Variants in FBXO21 observed in about 807,000 individuals in gnomAD.
FBXO21 encodes the protein F-box only protein 21.
Under a neutral mutation model 76.6 loss-of-function variants are expected in FBXO21, and 32 were observed. The ratio of observed to expected loss-of-function variants is 0.42; its 90% confidence interval spans 0.32 to 0.56. The LOEUF (loss-of-function observed/expected upper bound fraction) is 0.56. FBXO21 is among the 20% of genes least tolerant of loss of function. FBXO21 has a pLI of 0.16. For missense variants in FBXO21, 586 were observed against 797.3 expected (o/e 0.73, Z 3.19); for synonymous variants, 328 against 311.5 (o/e 1.05, Z -0.56).
At position 117,150,871 on chromosome 12, in the gene FBXO21, CTGTGTGTGTGTG is replaced by C. The variant is rs372253197; in HGVS notation, c.1676-4606_1676-4595del. Among the ~76,000 whole-genome samples the C allele has an allele frequency of 3.4e-4, 43 of 127,714 alleles. No homozygotes were observed. In the Middle Eastern group the frequency reaches 0.011, roughly 34 times the overall value. The allele number at this position is 127,714 out of a possible 152,430, so 83.8% of individuals were successfully genotyped here. On this transcript the variant is annotated intron_variant, in intron 11 of 11. Transcript: ENST00000622495. Reference sequence around the variant, plus strand: ...GCCAGCAGGTACAGCTGGCCATGGACTGTGTGTGTGTGTGTGTGTGTGTGTGTGTGTCAGGCG... The same window carrying C: ...GCCAGCAGGTACAGCTGGCCATGGACTGTGTGTGTGTGTGTGTGTCAGGCG...
intron 3 of FBXO21, among the ~76,000 whole-genome samples, chr12:117,181,209 A>T (rs2135882327): frequency 6.6e-6 from 1 of 152,294 alleles, no homozygotes; most frequent in East Asian, 1.9e-4. Context: ...AGGACTGAAA[A>T]GTCACTGAAT....
At chr12:117,152,752 G>C (rs183459192) in intron 11 of FBXO21, among the ~76,000 whole-genome samples, 1 of 152,218 alleles carries the variant, frequency 6.6e-6, no homozygotes, top group Non-Finnish European at 1.5e-5. Context: ...GTTATGCAGA[G>C]GAATCTCCTT....
At chr12:117,164,475 T>A (rs1221586911) in intron 9 of FBXO21, among the ~76,000 whole-genome samples, 1 of 151,984 alleles carries the variant, frequency 6.6e-6, no homozygotes, top group African/African-American at 2.4e-5. Context: ...GGGATTTCAC[T>A]ATGTTGGCCA....
At chr12:117,170,917 T>C (rs923284676) in intron 7 of FBXO21, among the ~76,000 whole-genome samples, 13 of 152,182 alleles carry the variant, frequency 8.5e-5, no homozygotes, top group Middle Eastern at 3.4e-3. Flanking sequence ...TGAAAAATCA[T>C]TTTTCCCACT....
intron 7 of FBXO21, among the ~76,000 whole-genome samples, chr12:117,170,230 A>AGGC (rs1331705591): frequency 1.3e-5 from 2 of 152,116 alleles, no homozygotes; most frequent in Non-Finnish European, 2.9e-5. Context: ...CATCTTTTTA[A>AGGC]GGCCAGTAAT....
intron 11 of FBXO21, among the ~76,000 whole-genome samples, chr12:117,150,312 G>C (rs993450318): frequency 6.6e-6 from 1 of 152,042 alleles, no homozygotes; most frequent in Non-Finnish European, 1.5e-5. Flanking sequence ...TTATTTTAAC[G>C]TTCAGCTACC....
chr12:117,183,191 A>G (rs1409280251), intron 3 of FBXO21, among the ~76,000 whole-genome samples: 2 of 152,086 alleles, frequency 1.3e-5, no homozygotes, highest in Non-Finnish European at 2.9e-5. Flanking sequence ...TTTACTAGCT[A>G]TGCATTTTCA....
chr12:117,174,170 T>G (rs1237492947), intron 6 of FBXO21, 35 bp downstream of exon 6: 2 of 1,537,368 alleles, frequency 1.3e-6, no homozygotes, highest in East Asian at 2.2e-5. Context: ...TATACCTATA[T>G]TACTATACCC....
At chr12:117,147,080 A>G (rs1304669555) in intron 11 of FBXO21, among the ~76,000 whole-genome samples, 2 of 151,548 alleles carry the variant, frequency 1.3e-5, no homozygotes, top group Non-Finnish European at 2.9e-5. Context: ...CGTCTCTACT[A>G]AAAATACAAA....
At chr12:117,172,759 G>A in intron 6 of FBXO21, 152 bp from the exon 7 acceptor site, 1 of 681,826 alleles carries the variant, frequency 1.5e-6, no homozygotes, top group Non-Finnish European at 2.3e-6. Context: ...GTCAGGGGTG[G>A]GTAAACTATG....
intron 3 of FBXO21, among the ~76,000 whole-genome samples, chr12:117,183,404 C>T (rs1956254587): frequency 2.0e-5 from 3 of 152,138 alleles, no homozygotes; most frequent in African/African-American, 7.2e-5. Context: ...GGATTACAGG[C>T]ACCTGCCACC....
intron 3 of FBXO21, among the ~76,000 whole-genome samples, chr12:117,183,177 T>G (rs962104032): frequency 6.6e-6 from 1 of 152,226 alleles, no homozygotes; most frequent in Non-Finnish European, 1.5e-5. Context: ...CTATAATATA[T>G]GTCTTTACTA....
At chr12:117,180,689 G>A (rs936891714) in intron 3 of FBXO21, among the ~76,000 whole-genome samples, 16 of 152,070 alleles carry the variant, frequency 1.1e-4, no homozygotes, top group African/African-American at 3.9e-4. Context: ...GCAGTGGTGC[G>A]ATCTCAGCTC....
intron 11 of FBXO21, among the ~76,000 whole-genome samples, chr12:117,148,894 ACT>A (rs113033469): frequency 3.9e-5 from 6 of 152,184 alleles, no homozygotes; most frequent in African/African-American, 1.4e-4. Context: ...TCATCCACTA[ACT>A]CTGATCTCTC....
chr12:117,159,668 C>T (rs151031521), intron 9 of FBXO21, among the ~76,000 whole-genome samples: 1 of 152,246 alleles, frequency 6.6e-6, no homozygotes, highest in East Asian at 1.9e-4. Context: ...TAATAGGAAG[C>T]GCCTACTGAC....
intron 11 of FBXO21, among the ~76,000 whole-genome samples, chr12:117,154,728 TG>T (rs1372074713): frequency 1.3e-5 from 2 of 152,240 alleles, no homozygotes; most frequent in Admixed American, 1.3e-4. Flanking sequence ...CTCGAAGTGC[TG>T]GGATTATAGG....
intron 7 of FBXO21, among the ~76,000 whole-genome samples, chr12:117,172,211 G>A (rs1289308788): frequency 6.6e-6 from 1 of 152,166 alleles, no homozygotes; most frequent in African/African-American, 2.4e-5. Flanking sequence ...ATTCACACAT[G>A]CAGTTTTAAG....
chr12:117,166,952 T>A lies in FBXO21; in HGVS notation c.1139A>T (p.Asn380Ile). The change falls in exon 8 of 12, where the codon AAT becomes ATT. Residue 380 changes from asparagine (N) to isoleucine (I), a missense_variant. Physicochemically the swap from Asn to Ile is moderately radical, Grantham distance 149. Transcript: ENST00000622495. Reference sequence around the variant, plus strand: ...CATTCTCTGTAACACCTTCTTGACATTGACCACCCCATACAGTGCTGCAGT... The same window carrying A: ...CATTCTCTGTAACACCTTCTTGACAATGACCACCCCATACAGTGCTGCAGT... Reference protein sequence around the residue: ...HVTAALYGVVNVKKVLQRMVG... With the variant: ...HVTAALYGVVIVKKVLQRMVG... 6.2e-7 allele frequency: 1 copy of A among 1,614,206 alleles called. No individual in the cohort carries two copies. Among genetic ancestry groups the A allele is most frequent in the Non-Finnish European group, 8.5e-7 (1 of 1,180,022 alleles).
chr12:117,162,833 G>A (rs1955998480), intron 9 of FBXO21, among the ~76,000 whole-genome samples: 1 of 152,162 alleles, frequency 6.6e-6, no homozygotes, highest in Non-Finnish European at 1.5e-5. Context: ...ATCTGCAGGC[G>A]CCACACCCTC....
Sources: allele counts gnomAD v4.1 joint callset (sites outside exome capture counted in the v4.1 genomes callset), GRCh38; gene constraint gnomAD v4.1.1; transcripts MANE v1.5; gene names NCBI Gene and HGNC (gene_info 2026-07-23, HGNC 2026-07-21).